Variants in KIAA0825 observed in about 807,000 individuals in gnomAD.
KIAA0825 encodes uncharacterized protein KIAA0825.
In KIAA0825, 119 loss-of-function variants were observed where a neutral mutation model predicts 147.6. The ratio of observed to expected loss-of-function variants is 0.81; its 90% confidence interval spans 0.69 to 0.94. The LOEUF (loss-of-function observed/expected upper bound fraction) is 0.94. Ranked by LOEUF, KIAA0825 falls within the 40% of genes least tolerant of loss-of-function variation. The pLI is 0.00. For synonymous variants in KIAA0825, 470 were observed against 518.1 expected (o/e 0.91, Z 1.26); for missense variants, 1,381 against 1,472.7 (o/e 0.94, Z 1.02).
chr5:94,264,326 C>T (rs1776642848), intron 20 of KIAA0825, among the ~76,000 whole-genome samples: 1 of 152,156 alleles, frequency 6.6e-6, no homozygotes. Context: ...AATAGTTAAA[C>T]AATAAGTTCT....
At position 94,546,281 on chromosome 5, in the gene KIAA0825, C is replaced by T. The variant is rs1028480431; in HGVS notation, c.-1-9154G>A. Among the ~76,000 whole-genome samples the T allele has an allele frequency of 2.2e-4, 34 of 152,152 alleles. 1 individual carries two copies. Among genetic ancestry groups the T allele is most frequent in the Admixed American group, 2.0e-3 (31 of 15,282 alleles). On this transcript the variant is annotated intron_variant, in intron 2 of 20. Coordinates refer to ENST00000682413, the MANE Select transcript of KIAA0825 (RefSeq NM_001145678.3). ...ACAGTAGCTATGAACCCACCTACAG[C>T]GTGGGGGAACTTACTGCCCTGAAGG...
intron 14 of KIAA0825, among the ~76,000 whole-genome samples, chr5:94,422,489 GTAAAAT>G (rs1223326365): frequency 1.3e-5 from 2 of 152,100 alleles, no homozygotes; most frequent in African/African-American, 4.8e-5. Flanking sequence ...CCCATGTCAT[GTAAAAT>G]TGATATTAAA....
chr5:94,473,812 A>T (rs1296133316), intron 7 of KIAA0825, among the ~76,000 whole-genome samples: 1 of 152,244 alleles, frequency 6.6e-6, no homozygotes, highest in Non-Finnish European at 1.5e-5. Context: ...CAATAAAGCC[A>T]TCTTTACAAG....
At chr5:94,583,943 G>A (rs1782745431) in intron 1 of KIAA0825, among the ~76,000 whole-genome samples, 1 of 152,052 alleles carries the variant, frequency 6.6e-6, no homozygotes, top group Non-Finnish European at 1.5e-5. Context: ...CTGAGCAGCT[G>A]AGGGGCCTGT....
chr5:94,610,786 A>AAAAAAAAATATAT (rs1788592200), intron 1 of KIAA0825, among the ~76,000 whole-genome samples: 2 of 113,686 alleles, frequency 1.8e-5, no homozygotes, highest in African/African-American at 8.0e-5. Flanking sequence ...AAAAAAAAAA[A>AAAAAAAAATATAT]GTATATATAT....
At chr5:94,522,536 A>T (rs140566010) in intron 4 of KIAA0825, among the ~76,000 whole-genome samples, 192 of 151,800 alleles carry the variant, frequency 1.3e-3, no homozygotes, top group African/African-American at 4.4e-3. Context: ...AAATAACTTC[A>T]GTACATCTGC....
chr5:94,377,528 T>C (rs542362719), intron 20 of KIAA0825, among the ~76,000 whole-genome samples: 1 of 152,336 alleles, frequency 6.6e-6, no homozygotes, highest in Admixed American at 6.5e-5. Flanking sequence ...TCTCATTCTC[T>C]AGTCTGGATT....
intron 20 of KIAA0825, among the ~76,000 whole-genome samples, chr5:94,356,404 G>A (rs1217604951): frequency 6.6e-6 from 1 of 151,554 alleles, no homozygotes; most frequent in Admixed American, 6.6e-5. Context: ...TCAGGAGATC[G>A]AGACCCTCCT....
chr5:94,224,690 A>G (rs950038260), intron 20 of KIAA0825, among the ~76,000 whole-genome samples: 1 of 152,194 alleles, frequency 6.6e-6, no homozygotes, highest in Non-Finnish European at 1.5e-5. Flanking sequence ...ATAAAGCAGT[A>G]AGACTTAACA....
chr5:94,246,560 T>C (rs1198706521), intron 20 of KIAA0825, among the ~76,000 whole-genome samples: 1 of 152,168 alleles, frequency 6.6e-6, no homozygotes, highest in Non-Finnish European at 1.5e-5. Context: ...CTGTTACATA[T>C]GCATTACCTT....
chr5:94,463,421 T>C (rs1386850963), intron 11 of KIAA0825, among the ~76,000 whole-genome samples: 1 of 149,398 alleles, frequency 6.7e-6, no homozygotes, highest in African/African-American at 2.4e-5. Flanking sequence ...GACACATATA[T>C]AAACCATATA....
intron 9 of KIAA0825, among the ~76,000 whole-genome samples, chr5:94,471,238 G>A (rs557515854): frequency 7.2e-6 from 1 of 138,024 alleles, no homozygotes; most frequent in South Asian, 2.6e-4. Context: ...GTGGGTTTTT[G>A]AGTGTGCCTT....
chr5:94,338,192 A>G (rs188951131), intron 20 of KIAA0825, among the ~76,000 whole-genome samples: 6 of 152,308 alleles, frequency 3.9e-5, no homozygotes, highest in Non-Finnish European at 8.8e-5. Context: ...GGTTGAATTG[A>G]ATTGAGGAAT....
At chr5:94,474,981 C>CAGTCTGAGT (rs1761693012) in intron 7 of KIAA0825, among the ~76,000 whole-genome samples, 2 of 151,638 alleles carry the variant, frequency 1.3e-5, no homozygotes, top group Non-Finnish European at 2.9e-5. Flanking sequence ...CCCAGCTACT[C>CAGTCTGAGT]AGGAGGCTGA....
chr5:94,614,649 A>G (rs1478217122), intron 1 of KIAA0825, among the ~76,000 whole-genome samples: 2 of 151,982 alleles, frequency 1.3e-5, no homozygotes, highest in Non-Finnish European at 2.9e-5. Flanking sequence ...TCCATCCTAT[A>G]TGGCACAAAC....
intron 20 of KIAA0825, among the ~76,000 whole-genome samples, chr5:94,223,559 G>C (rs1418728308): frequency 6.6e-6 from 1 of 152,176 alleles, no homozygotes; most frequent in Non-Finnish European, 1.5e-5. Context: ...TTAATCACTT[G>C]ACAAACGTTT....
At chr5:94,546,875 C>T (rs565202875) in intron 2 of KIAA0825, among the ~76,000 whole-genome samples, 1 of 147,700 alleles carries the variant, frequency 6.8e-6, no homozygotes, top group Non-Finnish European at 1.5e-5. Context: ...CTAAATAAGG[C>T]ACCAGAGACC....
chr5:94,543,794 C>G (rs1773807829), intron 2 of KIAA0825, among the ~76,000 whole-genome samples: 2 of 152,178 alleles, frequency 1.3e-5, no homozygotes. Flanking sequence ...TCCATCAAAA[C>G]CAAGATGGCC....
intron 1 of KIAA0825, among the ~76,000 whole-genome samples, chr5:94,589,131 A>G (rs951931526): frequency 2.0e-5 from 3 of 152,184 alleles, no homozygotes; most frequent in Admixed American, 1.3e-4. Flanking sequence ...CATTGTGCAC[A>G]TGTACCCTAG....
Sources: gnomAD v4.1 joint callset for allele counts (sites outside exome capture counted in the v4.1 genomes callset) on GRCh38, gnomAD v4.1.1 for gene constraint, MANE v1.5 for transcripts, NCBI Gene and HGNC (gene_info 2026-07-23, HGNC 2026-07-21) for gene names.